The following ZNF407 variants were observed in gnomAD, a reference collection of about 807,000 sequenced individuals.
ZNF407 encodes the protein zinc finger protein 407.
Under a neutral mutation model 131.2 loss-of-function variants are expected in ZNF407, and 17 were observed. The observed-to-expected ratio is 0.13, with a 90% confidence interval of 0.09 to 0.19. ZNF407 has a LOEUF of 0.19. Ranked by LOEUF, ZNF407 falls within the 10% of genes least tolerant of loss-of-function variation. ZNF407 has a pLI of 1.00. For synonymous variants in ZNF407, 1,156 were observed against 1,062.0 expected (o/e 1.09, Z -1.72); for missense variants, 2,681 against 2,830.6 (o/e 0.95, Z 1.20).
intron 3 of ZNF407, among the ~76,000 whole-genome samples, chr18:74,759,271 C>T (rs1341629111): frequency 2.0e-5 from 3 of 152,030 alleles, no homozygotes; most frequent in African/African-American, 7.2e-5. Flanking sequence ...TCTCAGGATT[C>T]TCTTTTTCTG....
Position 74,635,797 on chromosome 18 carries a change from G to A in ZNF407, c.4687+91G>A. The A allele has an allele frequency of 1.3e-6, 2 of 1,491,166 alleles. No homozygotes were observed. The highest frequency in any genetic ancestry group is 1.4e-5 in the South Asian group (1 of 71,984). 92.4% of individuals were successfully genotyped at this position (1,491,166 alleles called of 1,614,324 possible). On this transcript the variant is annotated intron_variant, in intron 2 of 8. Transcript: ENST00000299687. This position sits in a 1 kb window ranked among gnomAD's most constrained non-coding sequence, Gnocchi z 4.7. ...CAGCCCTACCTGTGGCTGCTCATTG[G>A]CTTTCCACCCGGTTCACATTTCACT... is the stretch of plus-strand genomic sequence containing the variant.
intron 7 of ZNF407, among the ~76,000 whole-genome samples, chr18:74,915,435 A>C (rs139474841): frequency 1.5e-5 from 1 of 68,154 alleles, no homozygotes; most frequent in Non-Finnish European, 2.8e-5. Context: ...GCATGTGTGT[A>C]CTGGTATGGT....
At chr18:74,790,074 G>A (rs994623456) in intron 4 of ZNF407, among the ~76,000 whole-genome samples, 21 of 151,938 alleles carry the variant, frequency 1.4e-4, no homozygotes, top group African/African-American at 4.6e-4. Context: ...AGAATAAAAG[G>A]TAATATACAT....
chr18:74,672,681 T>A (rs1429779794), intron 3 of ZNF407, among the ~76,000 whole-genome samples: 1 of 152,218 alleles, frequency 6.6e-6, no homozygotes, highest in Non-Finnish European at 1.5e-5. Context: ...TGTTTTTATC[T>A]GCTCATCCTT....
chr18:74,969,957 G>A (rs1972453667), intron 8 of ZNF407, among the ~76,000 whole-genome samples: 1 of 152,160 alleles, frequency 6.6e-6, no homozygotes, highest in Non-Finnish European at 1.5e-5. Flanking sequence ...GGAAGAAAAG[G>A]AAGTTTAATT....
chr18:74,982,015 G>A (rs898052474), intron 8 of ZNF407, among the ~76,000 whole-genome samples: 16 of 152,186 alleles, frequency 1.1e-4, no homozygotes, highest in Non-Finnish European at 1.8e-4. Context: ...GAGTGCTTAT[G>A]ATGGGCTTCT....
chr18:74,627,282 T>C (rs1015139069), intron 1 of ZNF407, among the ~76,000 whole-genome samples: 11 of 152,212 alleles, frequency 7.2e-5, no homozygotes, highest in Non-Finnish European at 1.3e-4. Context: ...TCTCTTACAG[T>C]GTAAGCTCTC....
intron 8 of ZNF407, among the ~76,000 whole-genome samples, chr18:74,966,025 T>G (rs982222013): frequency 6.6e-6 from 1 of 152,196 alleles, no homozygotes; most frequent in Non-Finnish European, 1.5e-5. Context: ...TTTTTTTCCT[T>G]AAGAGTTGTT....
intron 8 of ZNF407, among the ~76,000 whole-genome samples, chr18:75,029,599 G>A (rs1298317600): frequency 6.6e-6 from 1 of 151,922 alleles, no homozygotes; most frequent in Non-Finnish European, 1.5e-5. Flanking sequence ...GTGCGTATGT[G>A]TGCATGGGTG....
chr18:74,674,177 C>G (rs1986262521), intron 3 of ZNF407, among the ~76,000 whole-genome samples: 3 of 152,162 alleles, frequency 2.0e-5, no homozygotes, highest in Non-Finnish European at 4.4e-5. Context: ...ACCTTCACTC[C>G]CTCACCACTT....
chr18:74,622,793 T>G (rs2144641889), intron 1 of ZNF407, among the ~76,000 whole-genome samples: 1 of 151,820 alleles, frequency 6.6e-6, no homozygotes, highest in East Asian at 1.9e-4. Context: ...TCATTGTGTC[T>G]GTGTCTGAAT....
At chr18:74,807,028 A>G (rs919630641) in intron 4 of ZNF407, among the ~76,000 whole-genome samples, 2 of 152,228 alleles carry the variant, frequency 1.3e-5, no homozygotes, top group African/African-American at 4.8e-5. Flanking sequence ...AAGCACATAA[A>G]TAATTTCAGA....
intron 1 of ZNF407, among the ~76,000 whole-genome samples, chr18:74,603,581 A>G (rs553555133): frequency 1.3e-5 from 2 of 152,224 alleles, no homozygotes; most frequent in Non-Finnish European, 2.9e-5. Context: ...TTCTGTACCG[A>G]GGAAGTAGCT....
chr18:75,024,356 A>G (rs1973147069), intron 8 of ZNF407, among the ~76,000 whole-genome samples: 1 of 152,146 alleles, frequency 6.6e-6, no homozygotes, highest in Non-Finnish European at 1.5e-5. Context: ...CTATCCTTTA[A>G]TCACACCACA....
intron 8 of ZNF407, among the ~76,000 whole-genome samples, chr18:74,955,897 A>T (rs575377437): frequency 1.3e-5 from 2 of 152,264 alleles, no homozygotes; most frequent in African/African-American, 4.8e-5. Flanking sequence ...TCCACAGGAG[A>T]CCATCAGTGG....
intron 4 of ZNF407, among the ~76,000 whole-genome samples, chr18:74,868,862 A>G (rs576936273): frequency 2.6e-4 from 40 of 152,348 alleles, no homozygotes; most frequent in Non-Finnish European, 4.1e-4. Context: ...TATTTCAGTG[A>G]CATTAGTGTT....
At chr18:74,729,347 T>C in intron 3 of ZNF407, among the ~76,000 whole-genome samples, 1 of 152,246 alleles carries the variant, frequency 6.6e-6, no homozygotes, top group East Asian at 1.9e-4. Flanking sequence ...AACTTCTTCT[T>C]AGTCACTCTT....
chr18:74,851,173 C>G (rs1432357995), intron 4 of ZNF407, among the ~76,000 whole-genome samples: 1 of 152,156 alleles, frequency 6.6e-6, no homozygotes, highest in Non-Finnish European at 1.5e-5. Context: ...ACTGATTATT[C>G]AAACGTCTTT....
rs1970806722 is a variant in ZNF407 at position 74,852,730 on chromosome 18, TA to T, written c.4878-24465del. Among the ~76,000 whole-genome samples the T allele has an allele frequency of 2.6e-5, 4 of 152,128 alleles. No individual in the cohort carries two copies. In the South Asian group the frequency reaches 8.3e-4, roughly 32 times the overall value. ...CACATTCTCGTTTTAAATTAGAGTG[TA>T]AGGTGGTAGCCAAGAAGGCTGTTCT... On this transcript the variant is annotated intron_variant, in intron 4 of 8. Coordinates refer to ENST00000299687, the MANE Select transcript of ZNF407 (RefSeq NM_017757.3).
Sources: gnomAD v4.1 joint callset for allele counts (sites outside exome capture counted in the v4.1 genomes callset) on GRCh38, gnomAD v4.1.1 for gene constraint, Gnocchi (gnomAD v3.1) non-coding constraint, MANE v1.5 for transcripts, NCBI Gene and HGNC (gene_info 2026-07-23, HGNC 2026-07-21) for gene names.